Variants in MED12L observed in about 807,000 individuals in gnomAD.
MED12L encodes mediator of RNA polymerase II transcription subunit 12-like protein.
Under a neutral mutation model 281.3 loss-of-function variants are expected in MED12L, and 60 were observed. That is an observed-to-expected ratio of 0.21 (90% confidence interval 0.17 to 0.26). MED12L has a LOEUF of 0.26. Ranked by LOEUF, MED12L falls within the 10% of genes least tolerant of loss-of-function variation. The probability of loss-of-function intolerance (pLI) is 1.00; values close to 1 mark genes in which losing one functional copy is unlikely to be tolerated. For synonymous variants in MED12L, 974 were observed against 987.2 expected (o/e 0.99, Z 0.25); for missense variants, 2,146 against 2,680.9 (o/e 0.80, Z 4.41).
At chr3:151,097,804 C>T (rs1055988561) in intron 2 of MED12L, among the ~76,000 whole-genome samples, 1 of 152,142 alleles carries the variant, frequency 6.6e-6, no homozygotes, top group Non-Finnish European at 1.5e-5. Flanking sequence ...CTTAACTGGC[C>T]CCTGCTATCA....
chr3:151,431,686 C>T (rs1252920265), intron 44 of MED12L, among the ~76,000 whole-genome samples: 1 of 152,062 alleles, frequency 6.6e-6, no homozygotes. Context: ...AAATAGGTAA[C>T]TATGATTTTT....
intron 16 of MED12L, among the ~76,000 whole-genome samples, chr3:151,290,763 A>G (rs1231202329): frequency 1.3e-5 from 2 of 152,130 alleles, no homozygotes; most frequent in African/African-American, 4.8e-5. Context: ...ATTAATAAGG[A>G]TGTTTAAAGG....
chr3:151,162,663 T>C (rs1241636966), intron 8 of MED12L, among the ~76,000 whole-genome samples: 2 of 152,152 alleles, frequency 1.3e-5, no homozygotes, highest in Admixed American at 1.3e-4. Context: ...GGTTTCAAGC[T>C]CCTGGGCTCA....
chr3:151,299,811 A>T (rs186743362), intron 16 of MED12L, among the ~76,000 whole-genome samples: 93 of 152,298 alleles, frequency 6.1e-4, no homozygotes, highest in African/African-American at 2.2e-3. Context: ...AAATATTATT[A>T]ATTTAATCCT....
chr3:151,244,792 T>A (rs943786468), intron 16 of MED12L, among the ~76,000 whole-genome samples: 23 of 151,108 alleles, frequency 1.5e-4, no homozygotes, highest in Admixed American at 4.6e-4. Flanking sequence ...GGAAATAGAG[T>A]CACAAAAAAC....
chr3:151,371,787 T>C (rs886302135), intron 26 of MED12L, among the ~76,000 whole-genome samples: 1 of 152,222 alleles, frequency 6.6e-6, no homozygotes, highest in Non-Finnish European at 1.5e-5. Context: ...TGAATTTTTA[T>C]TACTCTCTCA....
At chr3:151,153,102 C>T (rs1718779117) in intron 5 of MED12L, among the ~76,000 whole-genome samples, 1 of 152,214 alleles carries the variant, frequency 6.6e-6, no homozygotes, top group Non-Finnish European at 1.5e-5. Flanking sequence ...AAACAAAGCA[C>T]TCAGTGTACT....
intron 16 of MED12L, among the ~76,000 whole-genome samples, chr3:151,275,136 G>A (rs1741629862): frequency 6.6e-6 from 1 of 152,066 alleles, no homozygotes; most frequent in Non-Finnish European, 1.5e-5. Flanking sequence ...ATGGCTCCTA[G>A]AGTCTAGAGG....
chr3:151,151,204 A>T (rs1382899465), intron 5 of MED12L, among the ~76,000 whole-genome samples: 1 of 150,938 alleles, frequency 6.6e-6, no homozygotes. Flanking sequence ...CACCCAGCTA[A>T]TTTTTTGTAT....
chr3:151,346,121 T>C (rs1349186588), intron 16 of MED12L, among the ~76,000 whole-genome samples: 1 of 152,202 alleles, frequency 6.6e-6, no homozygotes, highest in Non-Finnish European at 1.5e-5. Context: ...CAAGGAATGA[T>C]TTGAGCTTCT....
intron 44 of MED12L, 65 bp downstream of exon 44, chr3:151,430,445 G>T (rs1021754332): frequency 9.5e-5 from 153 of 1,602,398 alleles, no homozygotes; most frequent in Non-Finnish European, 1.5e-5. Context: ...CCAGCGAAAC[G>T]TAAAGTGGCG....
chr3:151,426,787 A>T (rs754179937), intron 43 of MED12L, among the ~76,000 whole-genome samples: 17 of 151,766 alleles, frequency 1.1e-4, no homozygotes, highest in Non-Finnish European at 2.5e-4. Flanking sequence ...CATATATTTC[A>T]AAATAAAGTT....
chr3:151,213,337 C>A, intron 16 of MED12L: 1 of 1,612,490 alleles, frequency 6.2e-7, no homozygotes, highest in African/African-American at 1.3e-5. Context: ...TGTATTTCCT[C>A]TTTTGATTCT....
chr3:151,192,084 A>T (rs1443278566), intron 14 of MED12L, among the ~76,000 whole-genome samples: 2 of 152,202 alleles, frequency 1.3e-5, no homozygotes, highest in East Asian at 3.8e-4. Flanking sequence ...ATATTTAAAC[A>T]TTTGTCTTAA....
At chr3:151,190,471 C>G (rs1272285333) in intron 13 of MED12L, among the ~76,000 whole-genome samples, 4 of 152,118 alleles carry the variant, frequency 2.6e-5, no homozygotes. Flanking sequence ...TGCACCCAGC[C>G]AGGACTACTA....
chr3:151,368,247 A>G lies in MED12L; in HGVS notation c.3546A>G (p.Ala1182=). 1 of 1,613,524 alleles carries G rather than the reference A, an allele frequency of 6.2e-7. No homozygotes were observed. The highest frequency in any genetic ancestry group is 1.7e-5 in the Admixed American group (1 of 60,008). Residue 1182 remains alanine, a synonymous_variant, in exon 25 of 45, where the codon GCA becomes GCG. Coordinates refer to ENST00000687756, the MANE Select transcript of MED12L (RefSeq NM_001393769.1). ...RAPQACFLPQ[A]TGKPFPGIRS... is the part of the protein sequence containing the mutation. ...CCCAGGCCTGCTTCTTACCTCAAGC[A>G]ACGGGTGAGCTGACTGCAGAAAAAT...
At chr3:151,430,447 A>C (rs1456014704) in intron 44 of MED12L, 67 bp downstream of exon 44, 2 of 1,602,512 alleles carry the variant, frequency 1.2e-6, no homozygotes, top group Non-Finnish European at 1.7e-6. Flanking sequence ...AGCGAAACGT[A>C]AAGTGGCGGC....
At chr3:151,400,680 G>A (rs1043290041) in intron 39 of MED12L, among the ~76,000 whole-genome samples, 21 of 152,138 alleles carry the variant, frequency 1.4e-4, no homozygotes, top group Non-Finnish European at 2.6e-4. Context: ...ATGGGAACAT[G>A]CTCTTGGATT....
intron 32 of MED12L, among the ~76,000 whole-genome samples, chr3:151,381,115 A>G (rs1469996126): frequency 6.6e-6 from 1 of 152,238 alleles, no homozygotes; most frequent in Non-Finnish European, 1.5e-5. Context: ...ATTGGAGAGC[A>G]TGGAATTAAG....
Sources: gnomAD v4.1 joint callset for allele counts (sites outside exome capture counted in the v4.1 genomes callset) on GRCh38, gnomAD v4.1.1 for gene constraint, MANE v1.5 for transcripts, NCBI Gene and HGNC (gene_info 2026-07-23, HGNC 2026-07-21) for gene names.